CSGALNACT1: variants seen among roughly 807,000 people sequenced by gnomAD.
CSGALNACT1 encodes the protein beta4GalNAcT-1.
CSGALNACT1 carries 52 observed loss-of-function variants against 51.0 expected under a neutral mutation model. The observed-to-expected ratio is 1.02, with a 90% confidence interval of 0.82 to 1.29. CSGALNACT1 has a LOEUF of 1.29. Ranked by LOEUF, CSGALNACT1 falls within the 50% of genes most tolerant of loss-of-function variation. The probability of loss-of-function intolerance (pLI) is 0.00; values close to 1 mark genes in which losing one functional copy is unlikely to be tolerated. For synonymous variants in CSGALNACT1, 341 were observed against 254.4 expected, an observed-to-expected ratio of 1.34 and a Z score of -3.24; for missense variants, 935 against 679.2, an observed-to-expected ratio of 1.38 and a Z score of -4.19.
At chr8:19,506,848 G>C (rs908475008) in intron 3 of CSGALNACT1, among the ~76,000 whole-genome samples, 1 of 152,218 alleles carries the variant, frequency 6.6e-6, no homozygotes, top group Non-Finnish European at 1.5e-5. Context: ...CATGCTTCCT[G>C]TACAGCCTGC....
intron 6 of CSGALNACT1, among the ~76,000 whole-genome samples, chr8:19,432,646 G>A (rs2059807695): frequency 6.6e-6 from 1 of 151,802 alleles, no homozygotes; most frequent in African/African-American, 2.4e-5. Context: ...CTGAGTCATT[G>A]CAGTTGGCTT....
At position 19,666,809 on chromosome 8, in the gene CSGALNACT1, A is replaced by AAGAGAGAG. The variant is rs375633259; in HGVS notation, c.-544+15656_-544+15663dup. Among the ~76,000 whole-genome samples, 55 of 25,098 alleles carry AAGAGAGAG rather than the reference A, an allele frequency of 2.2e-3. 1 individual carries two copies. Among genetic ancestry groups the AAGAGAGAG allele is most frequent in the Admixed American group, 4.9e-3 (10 of 2,052 alleles). The allele number at this position is 25,098 out of a possible 152,430, so 16.5% of individuals were successfully genotyped here. A position where few individuals can be genotyped will look rare whatever the true frequency, so the allele number is the denominator to read the frequency against. On this transcript the variant is annotated intron_variant, in intron 1 of 9. Transcript: ENST00000332246. ...AAAGAAAGAAAGAAAGAAAGAAAGA[A>AAGAGAGAG]AGAGAGAGAGAGAGAGAGAGAGAGA... is the stretch of plus-strand genomic sequence containing the variant.
chr8:19,684,634 C>G (rs2154211021), upstream of CSGALNACT1, among the ~76,000 whole-genome samples: 1 of 152,166 alleles, frequency 6.6e-6, no homozygotes, highest in East Asian at 1.9e-4. Flanking sequence ...CCCTCCCACT[C>G]CTCCTGGGAG....
chr8:19,629,007 C>A (rs2054839457), intron 1 of CSGALNACT1, among the ~76,000 whole-genome samples: 1 of 152,076 alleles, frequency 6.6e-6, no homozygotes, highest in African/African-American at 2.4e-5. Context: ...TCTAAGAGAC[C>A]AAGGAGAAAC....
rs917177053 is a variant in CSGALNACT1, at chr8:19,598,385, G to C, written c.-416+3386C>G. Among the ~76,000 whole-genome samples, 3 of 152,238 alleles carry C rather than the reference G, an allele frequency of 2.0e-5. No homozygotes were observed. In the South Asian group the frequency reaches 6.2e-4, roughly 32 times the overall value. ...AGGTGACACTGATTAAAAGCTTACA[G>C]ACTTTATGGCACCCCTCATTCCATT... On this transcript the variant is annotated intron_variant, in intron 2 of 9. Transcript: ENST00000454498.
At chr8:19,509,845 G>C (rs1476446096) in intron 3 of CSGALNACT1, among the ~76,000 whole-genome samples, 1 of 152,096 alleles carries the variant, frequency 6.6e-6, no homozygotes, top group Non-Finnish European at 1.5e-5. Context: ...ACTACTAGAA[G>C]TTAGAGATGA....
At chr8:19,646,315 C>T (rs747732625) in intron 1 of CSGALNACT1, among the ~76,000 whole-genome samples, 1 of 152,180 alleles carries the variant, frequency 6.6e-6, no homozygotes, top group Non-Finnish European at 1.5e-5. Flanking sequence ...TCCCCAGAGG[C>T]TGAAGAAAGA....
At chr8:19,406,661 A>G (rs889828050) in intron 9 of CSGALNACT1, among the ~76,000 whole-genome samples, 1 of 145,142 alleles carries the variant, frequency 6.9e-6, no homozygotes, top group Admixed American at 6.9e-5. Context: ...GAGCTTCTAC[A>G]CCATCCCCAC....
chr8:19,716,120 C>G (rs749091865), intron 1 of CSGALNACT1, among the ~76,000 whole-genome samples: 2 of 152,176 alleles, frequency 1.3e-5, no homozygotes, highest in Non-Finnish European at 1.5e-5. Flanking sequence ...TCCTGCCAAT[C>G]CTTCAATAAT....
chr8:19,653,997 A>G (rs1447758727), intron 1 of CSGALNACT1, among the ~76,000 whole-genome samples: 2 of 152,062 alleles, frequency 1.3e-5, no homozygotes, highest in African/African-American at 4.8e-5. Context: ...CAGAAAGCAA[A>G]TCCCAGCCTC....
At chr8:19,538,404 C>G (rs928008846) in intron 3 of CSGALNACT1, among the ~76,000 whole-genome samples, 1 of 152,068 alleles carries the variant, frequency 6.6e-6, no homozygotes, top group African/African-American at 2.4e-5. Context: ...AAGACATGAA[C>G]AGACATTTCA....
intron 6 of CSGALNACT1, among the ~76,000 whole-genome samples, chr8:19,433,860 G>A (rs11204041): frequency 0.47 from 70,854 of 152,060 alleles, 17,830 homozygotes; most frequent in East Asian, 0.83. Context: ...TCTTATTTCA[G>A]TGTGGCCCAG....
At chr8:19,576,659 T>C (rs2044292303) in intron 3 of CSGALNACT1, among the ~76,000 whole-genome samples, 1 of 149,652 alleles carries the variant, frequency 6.7e-6, no homozygotes, top group South Asian at 2.1e-4. Context: ...TCTCACCACA[T>C]TATCCAGCAG....
In CSGALNACT1 at chr8:19,637,761, A is replaced by G. The variant is rs1344379046; in HGVS notation, c.-543-35896T>C. ...GTTGCAGGACTGACTTCTGAGGATCATTCGTAACTGACAAGGGAAATTACA... is the reference window on the plus strand; with the variant it reads ...GTTGCAGGACTGACTTCTGAGGATCGTTCGTAACTGACAAGGGAAATTACA... On this transcript the variant is annotated intron_variant, in intron 1 of 9. Coordinates refer to the CSGALNACT1 transcript ENST00000332246. Among the ~76,000 whole-genome samples the G allele has an allele frequency of 2.0e-5, 3 of 152,038 alleles. No homozygotes were observed. In the East Asian group the frequency reaches 5.8e-4, roughly 29 times the overall value.
chr8:19,666,419 G>C (rs569359599), intron 1 of CSGALNACT1, among the ~76,000 whole-genome samples: 16 of 152,220 alleles, frequency 1.1e-4, no homozygotes, highest in Admixed American at 2.0e-4. Context: ...TCTCAGCCAG[G>C]TGTGGTTGCT....
intron 5 of CSGALNACT1, among the ~76,000 whole-genome samples, chr8:19,445,018 G>C (rs1304140532): frequency 1.3e-5 from 2 of 152,172 alleles, no homozygotes; most frequent in South Asian, 2.1e-4. Flanking sequence ...GTCTCTTTCT[G>C]GTGGAAGAAA....
intron 3 of CSGALNACT1, among the ~76,000 whole-genome samples, chr8:19,540,733 T>C (rs901687594): frequency 1.3e-5 from 2 of 152,188 alleles, no homozygotes; most frequent in Admixed American, 1.3e-4. Context: ...CACGCTGTCT[T>C]CTTGCCTGGA....
rs187722384 is a variant in CSGALNACT1, at chr8:19,694,185, T to C, written c.-297+63665A>G. Among the ~76,000 whole-genome samples, 332 of 152,278 alleles carry C rather than the reference T, an allele frequency of 2.2e-3. 3 individuals are homozygous for C. The highest frequency in any genetic ancestry group is 0.019 in the South Asian group (90 of 4,826). ...CTAACTGGCCCAAACTCACCTGATA[T>C]TTTCACAACTTTCCACTTCCTTTTG... On this transcript the variant is annotated intron_variant, in intron 1 of 1. Transcript: ENST00000517494.
At chr8:19,560,053 A>G (rs371584688) in intron 3 of CSGALNACT1, among the ~76,000 whole-genome samples, 1 of 152,218 alleles carries the variant, frequency 6.6e-6, no homozygotes, top group Admixed American at 6.5e-5. Context: ...GGCACTGACT[A>G]GAACACTTGG....
Sources: allele counts gnomAD v4.1 joint callset (sites outside exome capture counted in the v4.1 genomes callset), GRCh38; gene constraint gnomAD v4.1.1; transcripts MANE v1.5; gene names NCBI Gene and HGNC (gene_info 2026-07-23, HGNC 2026-07-21).